Variants in CSMD1 observed in about 807,000 individuals in gnomAD.
CSMD1 encodes CUB and Sushi multiple domains 1, also known as CUB and sushi domain-containing protein 1.
A neutral mutation model predicts 417.5 loss-of-function variants in CSMD1; 213 were observed. The ratio of observed to expected loss-of-function variants is 0.51; its 90% CI spans 0.46 to 0.57. CSMD1 has a LOEUF of 0.57. Among genes scored for constraint, CSMD1 ranks in the 20% least tolerant of loss-of-function variants. CSMD1 has a pLI of 0.00. For missense variants in CSMD1, 6,923 were observed against 4,529.7 expected, an observed-to-expected ratio of 1.53 and a Z score of -15.17; for synonymous variants, 2,862 against 1,736.8, an observed-to-expected ratio of 1.65 and a Z score of -16.11.
chr8:3,909,852 G>T (rs946935647), intron 5 of CSMD1, among the ~76,000 whole-genome samples: 2 of 152,250 alleles, frequency 1.3e-5, no homozygotes, highest in South Asian at 2.1e-4. Context: ...ATGTCCTGCT[G>T]TATACAAGTT....
chr8:3,708,750 A>G (rs1801324302), intron 6 of CSMD1, among the ~76,000 whole-genome samples: 1 of 152,226 alleles, frequency 6.6e-6, no homozygotes, highest in Non-Finnish European at 1.5e-5. Context: ...CTGACTTTAC[A>G]CATCCAATCC....
intron 1 of CSMD1, among the ~76,000 whole-genome samples, chr8:4,982,901 G>A (rs542079867): frequency 6.6e-6 from 1 of 152,160 alleles, no homozygotes; most frequent in Admixed American, 6.5e-5. Context: ...AGTTGTAAAA[G>A]AAAGAGACTG....
At chr8:3,062,767 T>G (rs1292705082) in intron 49 of CSMD1, among the ~76,000 whole-genome samples, 1 of 152,098 alleles carries the variant, frequency 6.6e-6, no homozygotes, top group African/African-American at 2.4e-5. Flanking sequence ...AGCTAATTAT[T>G]ACAGTGAAAG....
intron 41 of CSMD1, among the ~76,000 whole-genome samples, chr8:3,132,913 G>A (rs1817871688): frequency 1.3e-5 from 2 of 152,140 alleles, no homozygotes. Context: ...CTGTGCTCCA[G>A]GAAATATCTA....
chr8:4,833,451 T>G (rs1043795614), intron 1 of CSMD1, among the ~76,000 whole-genome samples: 2 of 152,164 alleles, frequency 1.3e-5, no homozygotes, highest in African/African-American at 4.8e-5. Flanking sequence ...CACCTCTCAC[T>G]AGGACCCTAC....
chr8:3,894,661 A>G (rs567058665), intron 5 of CSMD1, among the ~76,000 whole-genome samples: 2 of 152,306 alleles, frequency 1.3e-5, no homozygotes, highest in South Asian at 2.1e-4. Flanking sequence ...TAACCTAACA[A>G]GAGAGTCTAA....
chr8:4,320,304 T>G (rs1799196583), intron 3 of CSMD1, among the ~76,000 whole-genome samples: 1 of 152,314 alleles, frequency 6.6e-6, no homozygotes, highest in African/African-American at 2.4e-5. Context: ...GTGTTCACCT[T>G]ATAATACCTT....
At chr8:3,487,483 G>C (rs1306395107) in intron 11 of CSMD1, among the ~76,000 whole-genome samples, 2 of 152,180 alleles carry the variant, frequency 1.3e-5, no homozygotes, top group Non-Finnish European at 2.9e-5. Context: ...TTACAGGCAT[G>C]AGCCACCATG....
chr8:3,982,919 G>A (rs1813994505), intron 5 of CSMD1, among the ~76,000 whole-genome samples: 2 of 151,998 alleles, frequency 1.3e-5, no homozygotes, highest in Admixed American at 1.3e-4. Context: ...TTGAAAAATA[G>A]ATATTGTTAT....
Position 4,249,688 on chromosome 8 carries a change from G to A in CSMD1, c.415+170265C>T, listed in dbSNP as rs145074741. Among the ~76,000 whole-genome samples the A allele has an allele frequency of 2.8e-3, 429 of 152,250 alleles. 10 individuals carry two copies. The highest frequency in any genetic ancestry group is 0.026 in the Admixed American group (397 of 15,290). On this transcript the variant is annotated intron_variant, in intron 3 of 69. Coordinates refer to ENST00000635120, the MANE Select transcript of CSMD1 (RefSeq NM_033225.6). Reference sequence around the variant, plus strand: ...CCAGCTCTCTTCTCCTACCGCTGTTGTAGCGAAATAAAGCTGGAAGACTTG... The same window carrying A: ...CCAGCTCTCTTCTCCTACCGCTGTTATAGCGAAATAAAGCTGGAAGACTTG...
At chr8:3,682,451 T>G (rs1303769945) in intron 7 of CSMD1, among the ~76,000 whole-genome samples, 1 of 152,164 alleles carries the variant, frequency 6.6e-6, no homozygotes, top group East Asian at 1.9e-4. Context: ...ATGCTCATCA[T>G]CACCGGCCAT....
chr8:3,129,025 A>C (rs984616628), intron 41 of CSMD1: 2 of 339,352 alleles, frequency 5.9e-6, no homozygotes, highest in Admixed American at 4.2e-5. Flanking sequence ...TTAGCCAACC[A>C]GATGCTTGAC....
intron 27 of CSMD1, among the ~76,000 whole-genome samples, chr8:3,227,071 A>G (rs1798550824): frequency 6.6e-6 from 1 of 152,150 alleles, no homozygotes; most frequent in African/African-American, 2.4e-5. Context: ...TATATGGCTG[A>G]TGGCAGGTTA....
At chr8:3,099,740 G>A (rs1189368741) in intron 46 of CSMD1, among the ~76,000 whole-genome samples, 1 of 152,162 alleles carries the variant, frequency 6.6e-6, no homozygotes, top group African/African-American at 2.4e-5. Context: ...AGCATTTTAA[G>A]CATAGCCATT....
At chr8:4,027,610 G>A (rs1797129274) in intron 4 of CSMD1, among the ~76,000 whole-genome samples, 1 of 152,150 alleles carries the variant, frequency 6.6e-6, no homozygotes, top group Non-Finnish European at 1.5e-5. Flanking sequence ...AGAACTGTGA[G>A]TGAATTAACC....
intron 3 of CSMD1, among the ~76,000 whole-genome samples, chr8:4,289,033 CTG>C (rs1422754258): frequency 6.6e-6 from 1 of 152,094 alleles, no homozygotes; most frequent in Non-Finnish European, 1.5e-5. Context: ...CAAGCAATGA[CTG>C]TCATAATGAG....
chr8:4,890,915 G>A (rs1563687339), intron 1 of CSMD1, among the ~76,000 whole-genome samples: 1 of 152,112 alleles, frequency 6.6e-6, no homozygotes, highest in Admixed American at 6.5e-5. Context: ...AGGGAGTGGT[G>A]CACCTGGGGA....
At chr8:4,458,232 G>A (rs961117033) in intron 2 of CSMD1, among the ~76,000 whole-genome samples, 3 of 151,874 alleles carry the variant, frequency 2.0e-5, no homozygotes, top group Non-Finnish European at 4.4e-5. Context: ...TATAATGATC[G>A]GTCACACTTA....
intron 1 of CSMD1, among the ~76,000 whole-genome samples, chr8:4,808,910 G>A (rs909286110): frequency 1.3e-5 from 2 of 152,192 alleles, no homozygotes; most frequent in Non-Finnish European, 1.5e-5. Flanking sequence ...AAAAAACTGA[G>A]CTGGATTATT....
Sources: allele counts gnomAD v4.1 joint callset (sites outside exome capture counted in the v4.1 genomes callset), GRCh38; gene constraint gnomAD v4.1.1; transcripts MANE v1.5; gene names NCBI Gene and HGNC (gene_info 2026-07-23, HGNC 2026-07-21).